Variants in MSRA observed in about 807,000 individuals in gnomAD.
MSRA encodes the protein mitochondrial peptide methionine sulfoxide reductase.
MSRA carries 54 observed loss-of-function variants against 31.3 expected under a neutral mutation model. The ratio of observed to expected loss-of-function variants is 1.73; its 90% confidence interval spans 1.39 to 2.17. MSRA has a LOEUF of 2.17. MSRA is among the 30% of genes most tolerant of loss of function. The pLI, the probability that MSRA is intolerant of heterozygous loss-of-function variation, is 0.00. For synonymous variants in MSRA, 169 were observed against 116.5 expected (o/e 1.45, Z -2.90); for missense variants, 507 against 300.9 (o/e 1.69, Z -5.07).
chr8:10,313,889 A>G (rs1290899573), intron 4 of MSRA, among the ~76,000 whole-genome samples: 2 of 152,214 alleles, frequency 1.3e-5, no homozygotes, highest in East Asian at 3.8e-4. Context: ...CAAATGACAC[A>G]GTTGGCATTT....
chr8:10,354,579 A>G (rs1281390468), intron 5 of MSRA, among the ~76,000 whole-genome samples: 1 of 152,194 alleles, frequency 6.6e-6, no homozygotes, highest in Non-Finnish European at 1.5e-5. Context: ...TACCTTAAAC[A>G]ATAGAATCAG....
chr8:10,266,619 A>G (rs1479559513), intron 3 of MSRA, among the ~76,000 whole-genome samples: 1 of 150,136 alleles, frequency 6.7e-6, no homozygotes, highest in African/African-American at 2.4e-5. Context: ...TTTTTTTTTT[A>G]TGGATGAAAC....
chr8:10,097,627 T>G (rs1354808682), intron 1 of MSRA, among the ~76,000 whole-genome samples: 1 of 152,198 alleles, frequency 6.6e-6, no homozygotes, highest in African/African-American at 2.4e-5. Context: ...GTTTGCTAAA[T>G]ATATAACTTA....
chr8:10,219,368 G>A (rs1563231999), intron 2 of MSRA, among the ~76,000 whole-genome samples: 1 of 152,052 alleles, frequency 6.6e-6, no homozygotes, highest in Non-Finnish European at 1.5e-5. Context: ...CCAAATTTTT[G>A]GGGATTCAAG....
intron 1 of MSRA, among the ~76,000 whole-genome samples, chr8:10,182,370 A>G (rs1290110323): frequency 2.0e-5 from 3 of 152,210 alleles, no homozygotes; most frequent in Non-Finnish European, 4.4e-5. Context: ...AACAACACAC[A>G]TCTATTCTCT....
At chr8:10,251,866 G>GA (rs1326430349) in intron 3 of MSRA, among the ~76,000 whole-genome samples, 1 of 150,972 alleles carries the variant, frequency 6.6e-6, no homozygotes, top group Non-Finnish European at 1.5e-5. Flanking sequence ...CATGGTGGGG[G>GA]GGGGGGGACA....
In MSRA at chr8:10,258,717, T is replaced by G. The variant is rs1466699860; in HGVS notation, c.331+13494T>G. Among the ~76,000 whole-genome samples the G allele has an allele frequency of 2.6e-5, 4 of 152,224 alleles. No homozygotes were observed. The East Asian group carries it at 7.7e-4, about 29-fold the overall frequency. ...GCTCCCTTCTCCCACGTGGCAACTC[T>G]TCCCTGATGGTTTAAAGAGCAGAGG... On this transcript the variant is annotated intron_variant, in intron 3 of 5. Transcript: ENST00000317173.
At chr8:10,243,366 G>C (rs1797437984) in intron 2 of MSRA, among the ~76,000 whole-genome samples, 1 of 152,080 alleles carries the variant, frequency 6.6e-6, no homozygotes, top group South Asian at 2.1e-4. Flanking sequence ...TCCTTTTCCA[G>C]AGAATCCCTA....
At chr8:10,157,697 C>G (rs1399448231) in intron 1 of MSRA, among the ~76,000 whole-genome samples, 1 of 152,008 alleles carries the variant, frequency 6.6e-6, no homozygotes, top group Non-Finnish European at 1.5e-5. Flanking sequence ...CTCATTTATA[C>G]TTTGTTCAAA....
chr8:10,385,811 GT>G (rs1297265777), intron 5 of MSRA, among the ~76,000 whole-genome samples: 10 of 149,982 alleles, frequency 6.7e-5, no homozygotes, highest in Non-Finnish European at 8.9e-5. Context: ...CTGGTGGGGG[GT>G]GGGGTGTCTT....
chr8:10,397,778 G>A (rs1461798145), intron 5 of MSRA, among the ~76,000 whole-genome samples: 1 of 152,172 alleles, frequency 6.6e-6, no homozygotes, highest in East Asian at 1.9e-4. Flanking sequence ...TATCTGGATT[G>A]GAGCTTTCTT....
intron 5 of MSRA, among the ~76,000 whole-genome samples, chr8:10,355,008 A>T (rs1804425715): frequency 6.6e-6 from 1 of 152,142 alleles, no homozygotes. Context: ...ACATATATGC[A>T]TGTGCAAACT....
At chr8:10,056,134 C>T (rs958661311) in intron 1 of MSRA, among the ~76,000 whole-genome samples, 1 of 150,336 alleles carries the variant, frequency 6.7e-6, no homozygotes, top group Non-Finnish European at 1.5e-5. Flanking sequence ...TGCCAGACTT[C>T]CTCAGCTTGT....
intron 2 of MSRA, among the ~76,000 whole-genome samples, chr8:10,223,557 G>A (rs561764215): frequency 7.2e-5 from 11 of 152,134 alleles, no homozygotes; most frequent in African/African-American, 2.4e-4. Flanking sequence ...TCTCCAAACT[G>A]TAGCACATAG....
chr8:10,213,331 C>T (rs1323610035), intron 2 of MSRA, among the ~76,000 whole-genome samples: 1 of 150,882 alleles, frequency 6.6e-6, no homozygotes, highest in Non-Finnish European at 1.5e-5. Flanking sequence ...TTTCACTTAA[C>T]ATAGTGTTGT....
At chr8:10,226,707 G>A (rs548654964) in intron 2 of MSRA, among the ~76,000 whole-genome samples, 1 of 139,286 alleles carries the variant, frequency 7.2e-6, no homozygotes, top group Non-Finnish European at 1.6e-5. Flanking sequence ...ATATATATAT[G>A]TTTGTTTGTT....
chr8:10,280,270 T>A (rs1338233588), intron 3 of MSRA, among the ~76,000 whole-genome samples: 1 of 152,138 alleles, frequency 6.6e-6, no homozygotes, highest in African/African-American at 2.4e-5. Flanking sequence ...TTTGCCCCCC[T>A]CTTTTAGTTC....
chr8:10,207,970 G>A, intron 2 of MSRA, 69 bp downstream of exon 2: 1 of 1,325,000 alleles, frequency 7.5e-7, no homozygotes, highest in Non-Finnish European at 1.1e-6. Flanking sequence ...CTTAGTTTTA[G>A]CAAGTGTTCT....
chr8:10,387,082 C>G (rs771346111), intron 5 of MSRA, among the ~76,000 whole-genome samples: 3 of 152,080 alleles, frequency 2.0e-5, no homozygotes, highest in Admixed American at 6.5e-5. Flanking sequence ...GCTCCAGAGG[C>G]AGCTGCTGCT....
Sources: gnomAD v4.1 joint callset for allele counts (sites outside exome capture counted in the v4.1 genomes callset) on GRCh38, gnomAD v4.1.1 for gene constraint, MANE v1.5 for transcripts, NCBI Gene and HGNC (gene_info 2026-07-23, HGNC 2026-07-21) for gene names.